Variants in SSBP3 observed in about 807,000 individuals in gnomAD.
SSBP3 encodes single-stranded DNA-binding protein 3.
Under a neutral mutation model 69.6 loss-of-function variants are expected in SSBP3, and 5 were observed. The observed-to-expected ratio is 0.07, with a 90% CI of 0.04 to 0.15. The LOEUF is 0.15. Ranked by LOEUF, SSBP3 falls within the 10% of genes least tolerant of loss-of-function variation. SSBP3 has a pLI of 1.00. For synonymous variants in SSBP3, 196 were observed against 193.4 expected (o/e 1.01, Z -0.11); for missense variants, 312 against 534.0 (o/e 0.58, Z 4.10).
chr1:54,276,489 T>C (rs1645287877), intron 5 of SSBP3, among the ~76,000 whole-genome samples: 2 of 151,186 alleles, frequency 1.3e-5, no homozygotes, highest in South Asian at 4.2e-4. Flanking sequence ...TGAGCGCCTG[T>C]AATCCCAGCT....
At chr1:54,404,818 G>A (rs749219219) in intron 2 of SSBP3, 40 bp downstream of exon 2, 16 of 1,082,096 alleles carry the variant, frequency 1.5e-5, no homozygotes, top group Middle Eastern at 2.2e-4. Flanking sequence ...TGGGGGGGGG[G>A]GGTGTCAAGA....
chr1:54,281,485 G>A (rs1457340526), exon 5 of SSBP3: 2 of 1,571,236 alleles, frequency 1.3e-6, no homozygotes, highest in Admixed American at 1.8e-5. Flanking sequence ...CCATCGTTGG[G>A]GGGAATGTTG....
chr1:54,401,839 G>A (rs1272268058), intron 4 of SSBP3, 22 bp downstream of exon 4: 4 of 1,597,882 alleles, frequency 2.5e-6, no homozygotes, highest in African/African-American at 1.3e-5. Context: ...ATTATTGCTA[G>A]GATTAAAAAT....
At chr1:54,241,730 C>G (rs1410603512) in intron 11 of SSBP3, among the ~76,000 whole-genome samples, 2 of 152,240 alleles carry the variant, frequency 1.3e-5, no homozygotes, top group Non-Finnish European at 2.9e-5. Flanking sequence ...CTCCCCAGTC[C>G]TGGGAGGGAG....
At chr1:54,238,165 G>C (rs1370135895) in intron 14 of SSBP3, 1 of 470,956 alleles carries the variant, frequency 2.1e-6, no homozygotes, top group Non-Finnish European at 4.4e-6. Flanking sequence ...GAGGGCTGCT[G>C]GATGTAGGCA....
rs780169281 is a variant in SSBP3, at chr1:54,258,035, TC to T, written c.447+33del. On this transcript the variant is annotated intron_variant, in intron 6 of 17. Transcript: ENST00000610401. The surrounding 1 kb of genome is among the most constrained non-coding windows in gnomAD (Gnocchi z 4.5). Reference sequence around the variant, plus strand: ...CTCTCTGCTTCCTCCGCGCCCCGCGTCCCCGGCGGGCGGGAGCGCCACGGTG... The same window carrying T: ...CTCTCTGCTTCCTCCGCGCCCCGCGTCCCGGCGGGCGGGAGCGCCACGGTG... The T allele has an allele frequency of 4.1e-5, 64 of 1,558,000 alleles. No individual in the cohort carries two copies. The highest frequency in any genetic ancestry group is 2.0e-4 in the South Asian group (17 of 84,626).
intron 17 of SSBP3, 151 bp from the exon 18 acceptor site, chr1:54,227,311 G>C: frequency 1.5e-6 from 1 of 676,008 alleles, no homozygotes; most frequent in Non-Finnish European, 2.7e-6. Flanking sequence ...GTGGCATGGA[G>C]TGGGCAGGGG....
rs919062267 is a variant in SSBP3, at chr1:54,225,506, CTT to C, written c.*1623_*1624del. The C allele has an allele frequency of 4.7e-6, 5 of 1,067,660 alleles. No homozygotes were observed. The African/African-American group carries it at 4.9e-5, about 10-fold the overall frequency. The allele number at this position is 1,067,660 out of a possible 1,614,324, so 66.1% of individuals were successfully genotyped here. On this transcript the variant is annotated 3_prime_UTR_variant, in exon 18 of 18. Coordinates refer to ENST00000610401, the Ensembl canonical transcript of SSBP3. The stretch of plus-strand genomic sequence containing the variant: ...CACAAACTACAATGTATCATAATTA[CTT>C]TTTTTTCCTCTCTTAATTCAGAACC...
At chr1:54,263,529 G>GGTCCCCATCCTC (rs1553127780) in intron 5 of SSBP3, among the ~76,000 whole-genome samples, 1 of 152,180 alleles carries the variant, frequency 6.6e-6, no homozygotes, top group Non-Finnish European at 1.5e-5. Context: ...CCCCAGTCCT[G>GGTCCCCATCCTC]GTCCCCATCC....
At chr1:54,332,692 C>T (rs1569843211) in intron 4 of SSBP3, among the ~76,000 whole-genome samples, 2 of 152,192 alleles carry the variant, frequency 1.3e-5, no homozygotes, top group Admixed American at 1.3e-4. Context: ...CCAAAAAGGC[C>T]ACATAAGCCT....
At chr1:54,342,206 T>C (rs533722927) in intron 4 of SSBP3, among the ~76,000 whole-genome samples, 2 of 152,238 alleles carry the variant, frequency 1.3e-5, no homozygotes, top group Non-Finnish European at 2.9e-5. Context: ...GGAAGGTACT[T>C]CGCAAAGTGC....
rs143831813 is a variant in SSBP3, at chr1:54,347,633, T to C, written c.276+54228A>G. On this transcript the variant is annotated intron_variant, in intron 4 of 17. Coordinates refer to ENST00000610401, the Ensembl canonical transcript of SSBP3. The stretch of plus-strand genomic sequence containing the variant: ...GTATCACTTAGCAAAAATGAGGTGA[T>C]ATTGGATTAGGGTGGGTCCTGATGC... Among the ~76,000 whole-genome samples the C allele has an allele frequency of 2.1e-3, 322 of 152,330 alleles. 1 individual carries two copies. Among genetic ancestry groups the C allele is most frequent in the African/African-American group, 7.5e-3 (310 of 41,576 alleles).
chr1:54,262,018 T>C (rs1645024810), intron 5 of SSBP3, among the ~76,000 whole-genome samples: 1 of 152,282 alleles, frequency 6.6e-6, no homozygotes, highest in South Asian at 2.1e-4. Flanking sequence ...CTCCTAACTC[T>C]ACCCCAGGGC....
At chr1:54,335,967 G>A (rs1331507501) in intron 4 of SSBP3, 2 of 152,244 alleles carry the variant, frequency 1.3e-5, no homozygotes, top group African/African-American at 4.8e-5. Flanking sequence ...GGACAAGCAT[G>A]GGCACTGGAG....
Position 54,251,581 on chromosome 1 carries a change from C to G in SSBP3, c.651+35G>C, listed in dbSNP as rs760744918. On this transcript the variant is annotated intron_variant, in intron 9 of 17. Coordinates refer to ENST00000610401, the Ensembl canonical transcript of SSBP3. ...AGAGAAGGCGGGTGCACACAGATGG[C>G]CAGGGAGACGGACGGACAGACAGGC... 4 of 1,547,596 alleles carry G rather than the reference C, an allele frequency of 2.6e-6. No individual in the cohort carries two copies. In the South Asian group the frequency reaches 4.8e-5, roughly 18 times the overall value.
intron 4 of SSBP3, among the ~76,000 whole-genome samples, chr1:54,322,117 C>T (rs759920111): frequency 1.3e-5 from 2 of 152,288 alleles, no homozygotes; most frequent in Non-Finnish European, 2.9e-5. Context: ...TCATTTATGA[C>T]ACCACTGTAC....
chr1:54,303,093 A>G (rs1465683630), intron 4 of SSBP3, among the ~76,000 whole-genome samples: 1 of 152,226 alleles, frequency 6.6e-6, no homozygotes, highest in Non-Finnish European at 1.5e-5. Context: ...GTACAACACA[A>G]TTAGAGACAA....
chr1:54,235,190 T>A (rs1375123051), intron 14 of SSBP3, among the ~76,000 whole-genome samples: 1 of 152,004 alleles, frequency 6.6e-6, no homozygotes, highest in East Asian at 1.9e-4. Flanking sequence ...GTCCAGGGGC[T>A]GGCTTTGGAG....
intron 7 of SSBP3, among the ~76,000 whole-genome samples, chr1:54,252,912 G>A (rs1002829902): frequency 6.6e-6 from 1 of 152,156 alleles, no homozygotes; most frequent in African/African-American, 2.4e-5. Context: ...CTGTGACAGG[G>A]GTCTGTCCTC....
Sources: allele counts gnomAD v4.1 joint callset (sites outside exome capture counted in the v4.1 genomes callset), GRCh38; gene constraint gnomAD v4.1.1; non-coding constraint Gnocchi (gnomAD v3.1); transcripts MANE v1.5; gene names NCBI Gene and HGNC (gene_info 2026-07-23, HGNC 2026-07-21).